The following MOBP variants were observed in gnomAD, a reference collection of about 807,000 sequenced individuals.
MOBP encodes myelin associated oligodendrocyte basic protein.
A neutral mutation model predicts 15.0 loss-of-function variants in MOBP; 5 were observed. That is an observed-to-expected ratio of 0.33 (90% CI 0.17 to 0.70). The LOEUF (loss-of-function observed/expected upper bound fraction) is 0.70, where lower values mean the gene tolerates loss of function less well. MOBP is among the 30% of genes least tolerant of loss of function. The probability of loss-of-function intolerance (pLI) is 0.67; values close to 1 mark genes in which losing one functional copy is unlikely to be tolerated. For missense variants in MOBP, 188 were observed against 257.8 expected (o/e 0.73, Z 1.85); for synonymous variants, 88 against 99.0 (o/e 0.89, Z 0.66).
At chr3:39,504,396 A>G (rs151027042), downstream of MOBP, among the ~76,000 whole-genome samples, 616 of 152,370 alleles carry the variant, frequency 4.0e-3, 1 homozygote, top group Middle Eastern at 0.01. Context: ...TTAGAAGACA[A>G]TGAAAGCAAA....
At chr3:39,512,891 A>G (rs1007031827) in intron 4 of MOBP, among the ~76,000 whole-genome samples, 2 of 152,210 alleles carry the variant, frequency 1.3e-5, no homozygotes, top group Non-Finnish European at 2.9e-5. Context: ...CATATTTATA[A>G]TGTCTAATGT....
intron 2 of MOBP, 135 bp from the exon 3 acceptor site, chr3:39,501,931 A>G (rs2042975234): frequency 3.0e-6 from 2 of 660,088 alleles, no homozygotes; most frequent in Non-Finnish European, 5.3e-6. Flanking sequence ...TTGGTCTTCC[A>G]GGGTGTTGCT....
intron 2 of MOBP, among the ~76,000 whole-genome samples, chr3:39,480,963 G>A (rs368995044): frequency 6.6e-6 from 1 of 152,116 alleles, no homozygotes; most frequent in South Asian, 2.1e-4. Context: ...TTCACTAGGT[G>A]CTTCTAGTTG....
At chr3:39,528,092 A>T (rs2043352640), downstream of MOBP, 1 of 152,224 alleles carries the variant, frequency 6.6e-6, no homozygotes, top group South Asian at 2.1e-4. Context: ...TTAGTTGCTC[A>T]AAAGTTGAAA....
At chr3:39,526,836 G>A (rs1243345224), downstream of MOBP, 1 of 145,016 alleles carries the variant, frequency 6.9e-6, no homozygotes, top group Non-Finnish European at 1.5e-5. Flanking sequence ...GAGTGCAAAG[G>A]TGCGACCTTG....
At chr3:39,485,739 C>T (rs1450339594) in intron 2 of MOBP, among the ~76,000 whole-genome samples, 1 of 152,164 alleles carries the variant, frequency 6.6e-6, no homozygotes, top group Admixed American at 6.5e-5. Flanking sequence ...CCACCTCCCT[C>T]GCCAGTGCCT....
chr3:39,474,519 A>C (rs1054492291), intron 1 of MOBP, among the ~76,000 whole-genome samples: 1 of 152,198 alleles, frequency 6.6e-6, no homozygotes, highest in Non-Finnish European at 1.5e-5. Flanking sequence ...AAAATACAAC[A>C]TTATAATTTC....
intron 1 of MOBP, among the ~76,000 whole-genome samples, chr3:39,469,164 G>GTGTATA (rs1559412233): frequency 2.3e-5 from 1 of 43,020 alleles, no homozygotes; most frequent in Non-Finnish European, 4.0e-5. Context: ...ATGTGTGTGT[G>GTGTATA]TATACATATA....
At chr3:39,496,905 C>T (rs1017226296) in intron 2 of MOBP, among the ~76,000 whole-genome samples, 6 of 152,062 alleles carry the variant, frequency 3.9e-5, no homozygotes, top group South Asian at 2.1e-4. Flanking sequence ...TTGGGTGATT[C>T]GCCTGCCTCA....
At chr3:39,472,157 C>T (rs2042480600) in intron 1 of MOBP, among the ~76,000 whole-genome samples, 1 of 152,168 alleles carries the variant, frequency 6.6e-6, no homozygotes, top group South Asian at 2.1e-4. Flanking sequence ...GCTTTGACTT[C>T]CCAGCAGACT....
intron 1 of MOBP, among the ~76,000 whole-genome samples, chr3:39,478,792 G>A (rs2042579374): frequency 6.6e-6 from 1 of 151,724 alleles, no homozygotes; most frequent in Non-Finnish European, 1.5e-5. Flanking sequence ...TTCAATACTT[G>A]CTTCTATATC....
At chr3:39,500,508 A>G (rs1431743066) in intron 2 of MOBP, among the ~76,000 whole-genome samples, 2 of 152,220 alleles carry the variant, frequency 1.3e-5, no homozygotes, top group Non-Finnish European at 2.9e-5. Context: ...GTCACAGGAA[A>G]GGAAAGACTT....
intron 2 of MOBP, among the ~76,000 whole-genome samples, chr3:39,495,045 G>T (rs895786580): frequency 3.3e-5 from 5 of 152,070 alleles, no homozygotes; most frequent in Non-Finnish European, 4.4e-5. Flanking sequence ...TTGAGCTGTG[G>T]TCCAAGATGG....
At chr3:39,507,179 A>G (rs1247963763), downstream of MOBP, among the ~76,000 whole-genome samples, 3 of 152,156 alleles carry the variant, frequency 2.0e-5, no homozygotes, top group African/African-American at 7.2e-5. Flanking sequence ...GAGCCTATTC[A>G]CTCAGCAGAT....
At position 39,473,895 on chromosome 3, in the gene MOBP, GA is replaced by G. The variant is rs79254611; in HGVS notation, c.-88-6142del. 7.2e-4 allele frequency among the ~76,000 whole-genome samples: 110 copies of G among 152,328 alleles called. 3 individuals are homozygous for G. The East Asian group carries it at 0.02, about 28-fold the overall frequency. ...TTGAGAGTTAAACTAGACTGGCTAA[GA>G]AAGTTTTCCCTGAGGGAGGCATATT... is the stretch of plus-strand genomic sequence containing the variant. On this transcript the variant is annotated intron_variant, in intron 1 of 3. Transcript: ENST00000684792.
At chr3:39,514,357 C>T (rs1002695446) in exon 5 of MOBP, 1 of 152,318 alleles carries the variant, frequency 6.6e-6, no homozygotes, top group Non-Finnish European at 1.5e-5. Flanking sequence ...CCAAATGATC[C>T]TAGATACAGG....
intron 2 of MOBP, among the ~76,000 whole-genome samples, chr3:39,494,218 T>C (rs1388282106): frequency 6.6e-6 from 1 of 152,222 alleles, no homozygotes; most frequent in East Asian, 1.9e-4. Context: ...CTTCCCCAAT[T>C]TTCTCATCTG....
intron 1 of MOBP, among the ~76,000 whole-genome samples, chr3:39,474,819 C>T (rs2042522746): frequency 1.3e-5 from 2 of 152,124 alleles, no homozygotes; most frequent in South Asian, 4.1e-4. Flanking sequence ...CCCTCAAGAT[C>T]CAGTTTTTAC....
intron 2 of MOBP, among the ~76,000 whole-genome samples, chr3:39,483,680 A>G (rs2042658420): frequency 6.6e-6 from 1 of 152,232 alleles, no homozygotes; most frequent in South Asian, 2.1e-4. Flanking sequence ...TGTTTTACCT[A>G]CGTATGTGTA....
Sources: gnomAD v4.1 joint callset for allele counts (sites outside exome capture counted in the v4.1 genomes callset) on GRCh38, gnomAD v4.1.1 for gene constraint, MANE v1.5 for transcripts, NCBI Gene and HGNC (gene_info 2026-07-23, HGNC 2026-07-21) for gene names.